Variants in COL27A1 observed in about 807,000 individuals in gnomAD.
COL27A1 encodes the protein collagen alpha-1(XXVII) chain.
In COL27A1, 106 loss-of-function variants were observed where a neutral mutation model predicts 251.3. The ratio of observed to expected loss-of-function variants is 0.42; its 90% CI spans 0.36 to 0.50. The LOEUF is 0.50. Ranked by LOEUF, COL27A1 falls within the 20% of genes least tolerant of loss-of-function variation. The probability of loss-of-function intolerance (pLI) is 0.00; values close to 1 mark genes in which losing one functional copy is unlikely to be tolerated. For missense variants in COL27A1, 2,325 were observed against 2,522.8 expected (o/e 0.92, Z 1.68); for synonymous variants, 1,000 against 986.3 (o/e 1.01, Z -0.26).
rs1829401095 is a variant in COL27A1 at position 114,310,915 on chromosome 9, C to G, written c.*220C>G. 6.3e-6 allele frequency: 3 copies of G among 474,974 alleles called. No homozygotes were observed. The highest frequency in any genetic ancestry group is 3.7e-6 in the Non-Finnish European group (1 of 268,356). The allele number at this position is 474,974 out of a possible 1,614,324, so 29.4% of individuals were successfully genotyped here. On this transcript the variant is annotated 3_prime_UTR_variant, in exon 61 of 61. Coordinates refer to ENST00000356083, the MANE Select transcript of COL27A1 (RefSeq NM_032888.4). ...TCCCAGCTTAGCCCCAAAGACCAAC[C>G]AAAGAGCCAGCCAGAGTAAGCTGGA...
chr9:114,245,790 C>T, intron 23 of COL27A1, 76 bp from the exon 24 acceptor site: 1 of 1,391,590 alleles, frequency 7.2e-7, no homozygotes. Context: ...CTAAGGCCAG[C>T]AGGCCTGGGA....
At chr9:114,249,994 C>T (rs1029895764) in intron 24 of COL27A1, among the ~76,000 whole-genome samples, 2 of 152,174 alleles carry the variant, frequency 1.3e-5, no homozygotes, top group East Asian at 1.9e-4. Flanking sequence ...CTCAGGGAGA[C>T]GGCAAGGACT....
intron 37 of COL27A1, among the ~76,000 whole-genome samples, chr9:114,281,639 CACA>C (rs1257789083): frequency 6.6e-6 from 1 of 152,214 alleles, no homozygotes; most frequent in Non-Finnish European, 1.5e-5. Flanking sequence ...GCAAGTGACG[CACA>C]ACATCTCAGA....
chr9:114,298,690 A>C (rs1219143672), intron 49 of COL27A1, among the ~76,000 whole-genome samples: 1 of 152,254 alleles, frequency 6.6e-6, no homozygotes, highest in East Asian at 1.9e-4. Context: ...AAAACTGTAC[A>C]ACTGTTAGAA....
At chr9:114,264,789 A>G (rs1834617735) in intron 29 of COL27A1, 135 bp from the exon 30 acceptor site, 10 of 938,350 alleles carry the variant, frequency 1.1e-5, no homozygotes, top group Non-Finnish European at 1.6e-5. Context: ...TAGTTTTCCC[A>G]TCTGCACCAT....
intron 27 of COL27A1, among the ~76,000 whole-genome samples, chr9:114,256,633 G>T (rs931513537): frequency 1.3e-5 from 2 of 152,120 alleles, no homozygotes; most frequent in African/African-American, 4.8e-5. Context: ...CTCCTGCCTT[G>T]CGAGAGCAGG....
intron 23 of COL27A1, among the ~76,000 whole-genome samples, chr9:114,243,912 G>GT (rs1176014604): frequency 2.7e-5 from 4 of 146,906 alleles, no homozygotes; most frequent in Non-Finnish European, 6.0e-5. Flanking sequence ...CACCGTTTCT[G>GT]TTTTTTTCTT....
intron 24 of COL27A1, 92 bp downstream of exon 24, chr9:114,246,002 C>A: frequency 9.0e-7 from 1 of 1,109,006 alleles, no homozygotes; most frequent in Non-Finnish European, 1.3e-6. Context: ...CATGCACCAC[C>A]TCGTGTAATT....
At chr9:114,295,289 G>A (rs1212749744) in intron 49 of COL27A1, among the ~76,000 whole-genome samples, 1 of 152,150 alleles carries the variant, frequency 6.6e-6, no homozygotes, top group Non-Finnish European at 1.5e-5. Flanking sequence ...GAGAAATTGA[G>A]GAAGACTTAA....
Position 114,194,452 on chromosome 9 carries a change from G to A in COL27A1, c.2065G>A (p.Ala689Thr), listed in dbSNP as rs763568407. 2 of 1,612,534 alleles carry A rather than the reference G, an allele frequency of 1.2e-6. No individual in the cohort carries two copies. The highest frequency in any genetic ancestry group is 2.2e-5 in the East Asian group (1 of 44,806). ...GLSPGKAHDG[A>T]KGDMGLPGLS... ...CTCACCAGGAAAGGCCCACGATGGG[G>A]CAAAGGTAGGTTTCCAGGGACCCCA... Residue 689 changes from alanine (A) to threonine (T), a missense_variant, in exon 6 of 61, where the codon GCA becomes ACA. Coordinates refer to ENST00000356083, the MANE Select transcript of COL27A1 (RefSeq NM_032888.4).
Position 114,312,084 on chromosome 9 carries a change from G to A in COL27A1, c.*1389G>A, listed in dbSNP as rs981075585. On this transcript the variant is annotated 3_prime_UTR_variant, in exon 61 of 61. Transcript: ENST00000356083. ...GTGCTACATCAGCGAACAAGTCGGC[G>A]CTTGAATTGGATTTTGAGGTTATTT... 8 of 152,190 alleles carry A rather than the reference G, an allele frequency of 5.3e-5. No individual in the cohort carries two copies. The highest frequency in any genetic ancestry group is 1.4e-4 in the African/African-American group (6 of 41,434). 9.4% of individuals were successfully genotyped at this position (152,190 alleles called of 1,614,324 possible). A position where few individuals can be genotyped will look rare whatever the true frequency, so the allele number is the denominator to read the frequency against.
At chr9:114,305,214 C>T (rs1480460389) in intron 57 of COL27A1, among the ~76,000 whole-genome samples, 1 of 152,218 alleles carries the variant, frequency 6.6e-6, no homozygotes, top group Non-Finnish European at 1.5e-5. Context: ...CCAGCTCAAA[C>T]CTCCTATGAA....
intron 5 of COL27A1, among the ~76,000 whole-genome samples, chr9:114,185,036 C>T (rs1828234316): frequency 6.6e-6 from 1 of 152,192 alleles, no homozygotes; most frequent in South Asian, 2.1e-4. Flanking sequence ...TGGCCCTGCT[C>T]AGAGCACTGT....
chr9:114,185,373 T>C (rs914369690), intron 5 of COL27A1, among the ~76,000 whole-genome samples: 2 of 152,256 alleles, frequency 1.3e-5, no homozygotes, highest in Non-Finnish European at 2.9e-5. Flanking sequence ...GCCCTTTGCC[T>C]GGACACTTGG....
chr9:114,210,094 G>C (rs755038901), intron 11 of COL27A1, among the ~76,000 whole-genome samples: 7 of 152,208 alleles, frequency 4.6e-5, no homozygotes, highest in Non-Finnish European at 8.8e-5. Context: ...GCCTCTTGAG[G>C]ACTTGCAACC....
chr9:114,264,917 C>T lies in COL27A1; in HGVS notation c.3250-7C>T. The T allele has an allele frequency of 1.2e-6, 2 of 1,610,990 alleles. No homozygotes were observed. Among genetic ancestry groups the T allele is most frequent in the Non-Finnish European group, 1.7e-6 (2 of 1,177,972 alleles). ...TCTCCCACCTTCACGTGCTCTGCTT[C>T]CCACAGGGCCCTCCAGGACCCCAGG... On this transcript the variant is annotated splice_region_variant and splice_polypyrimidine_tract_variant and intron_variant, in intron 29 of 60. Transcript: ENST00000356083.
At chr9:114,191,162 C>T (rs373271381) in intron 5 of COL27A1, among the ~76,000 whole-genome samples, 4 of 152,266 alleles carry the variant, frequency 2.6e-5, no homozygotes, top group East Asian at 3.9e-4. Flanking sequence ...CACTTACCAC[C>T]GGATTGTAGT....
chr9:114,269,214 C>T (rs1373560380), intron 34 of COL27A1, 27 bp from the exon 35 acceptor site: 3 of 1,566,618 alleles, frequency 1.9e-6, no homozygotes, highest in Middle Eastern at 1.7e-4. Context: ...TACCCACCCG[C>T]AAGGACTTTT....
chr9:114,205,689 C>T, intron 8 of COL27A1, 70 bp from the exon 9 acceptor site: 1 of 1,381,452 alleles, frequency 7.2e-7, no homozygotes, highest in Admixed American at 1.7e-5. Flanking sequence ...CCCCAGTCTC[C>T]CAGGGTCCCC....
Sources: allele counts gnomAD v4.1 joint callset (sites outside exome capture counted in the v4.1 genomes callset), GRCh38; gene constraint gnomAD v4.1.1; transcripts MANE v1.5; gene names NCBI Gene and HGNC (gene_info 2026-07-23, HGNC 2026-07-21).